PDE4D: variants seen among roughly 807,000 people sequenced by gnomAD.
PDE4D encodes the protein phosphodiesterase 4D.
PDE4D carries 24 observed loss-of-function variants against 87.4 expected under a neutral mutation model. That is an observed-to-expected ratio of 0.27 (90% CI 0.20 to 0.39). The LOEUF (loss-of-function observed/expected upper bound fraction) is 0.39, where lower values mean the gene tolerates loss of function less well. Among genes scored for constraint, PDE4D ranks in the 10% least tolerant of loss-of-function variants. The probability of loss-of-function intolerance (pLI) is 1.00; values close to 1 mark genes in which losing one functional copy is unlikely to be tolerated. For synonymous variants in PDE4D, 384 were observed against 383.2 expected, an observed-to-expected ratio of 1.00 and a Z score of -0.02; for missense variants, 714 against 1,041.0, an observed-to-expected ratio of 0.69 and a Z score of 4.32.
intron 1 of PDE4D, among the ~76,000 whole-genome samples, chr5:59,427,314 C>CACAA (rs1348251461): frequency 6.6e-6 from 1 of 150,550 alleles, no homozygotes; most frequent in Non-Finnish European, 1.5e-5. Flanking sequence ...CACACACACA[C>CACAA]ACACACACAC....
chr5:59,446,998 T>C (rs1248908565), intron 1 of PDE4D, among the ~76,000 whole-genome samples: 1 of 152,204 alleles, frequency 6.6e-6, no homozygotes, highest in East Asian at 1.9e-4. Flanking sequence ...GCAGCATCCA[T>C]GCAGGTGCAT....
At chr5:59,696,183 T>C (rs895486390) in intron 1 of PDE4D, among the ~76,000 whole-genome samples, 1 of 152,100 alleles carries the variant, frequency 6.6e-6, no homozygotes, top group African/African-American at 2.4e-5. Flanking sequence ...TAGGGGCATC[T>C]GGGAAATGAA....
intron 1 of PDE4D, among the ~76,000 whole-genome samples, chr5:59,779,611 A>C (rs1170252142): frequency 3.9e-5 from 6 of 152,202 alleles, no homozygotes; most frequent in African/African-American, 1.4e-4. Context: ...GGCTTCTTAA[A>C]AACATAGTGT....
intron 5 of PDE4D, among the ~76,000 whole-genome samples, chr5:59,138,895 A>T (rs1330718645): frequency 6.6e-6 from 1 of 152,228 alleles, no homozygotes; most frequent in East Asian, 1.9e-4. Context: ...AGGATGAAAG[A>T]GGTGTGTGAA....
At chr5:58,990,974 C>G (rs973711873) in intron 8 of PDE4D, 72 bp from the exon 9 acceptor site, 10 of 888,092 alleles carry the variant, frequency 1.1e-5, no homozygotes, top group Non-Finnish European at 1.7e-5. Flanking sequence ...TGAACACAAT[C>G]ATTTAAAAAT....
chr5:59,207,148 C>T (rs894329634), intron 2 of PDE4D, among the ~76,000 whole-genome samples: 1 of 151,860 alleles, frequency 6.6e-6, no homozygotes, highest in Non-Finnish European at 1.5e-5. Flanking sequence ...TACACTGCTG[C>T]ACTCCAGCCT....
At position 59,736,906 on chromosome 5, in the gene PDE4D, T is replaced by A. The variant is rs180825328; in HGVS notation, c.455+156262A>T. On this transcript the variant is annotated intron_variant, in intron 1 of 14. Transcript: ENST00000340635. Reference sequence around the variant, plus strand: ...TTTTAAAATTTTCTTCTTTGCAATTTTTGGAGGCAGTCTTCAAACATTTAA... The same window carrying A: ...TTTTAAAATTTTCTTCTTTGCAATTATTGGAGGCAGTCTTCAAACATTTAA... 9.3e-4 allele frequency among the ~76,000 whole-genome samples: 141 copies of A among 152,296 alleles called. 1 individual carries two copies. The highest frequency in any genetic ancestry group is 3.3e-3 in the African/African-American group (136 of 41,572).
chr5:60,356,900 A>G (rs1458747247), intron 1 of PDE4D, among the ~76,000 whole-genome samples: 2 of 152,158 alleles, frequency 1.3e-5, no homozygotes, highest in African/African-American at 4.8e-5. Context: ...GGGCCTCTGT[A>G]GCTCTATTAC....
At chr5:60,439,770 C>T (rs756994080) in intron 1 of PDE4D, among the ~76,000 whole-genome samples, 1 of 152,090 alleles carries the variant, frequency 6.6e-6, no homozygotes, top group South Asian at 2.1e-4. Context: ...CATGCAGTCT[C>T]TCACCTACAA....
chr5:60,422,241 T>C (rs1743183999), intron 1 of PDE4D, among the ~76,000 whole-genome samples: 1 of 152,098 alleles, frequency 6.6e-6, no homozygotes, highest in South Asian at 2.1e-4. Flanking sequence ...ACACATAATT[T>C]TCAGATTCAC....
intron 1 of PDE4D, among the ~76,000 whole-genome samples, chr5:59,827,818 G>T (rs1465228479): frequency 2.6e-5 from 4 of 151,938 alleles, no homozygotes; most frequent in Non-Finnish European, 5.9e-5. Flanking sequence ...AAATAGTGTG[G>T]CTGAAAAATA....
chr5:59,194,420 T>C (rs1362256068), intron 2 of PDE4D, among the ~76,000 whole-genome samples: 1 of 152,112 alleles, frequency 6.6e-6, no homozygotes, highest in African/African-American at 2.4e-5. Context: ...CAAATAAACT[T>C]TTCGCTCACT....
At chr5:60,238,815 TA>T (rs1382759731) in intron 1 of PDE4D, among the ~76,000 whole-genome samples, 2 of 152,084 alleles carry the variant, frequency 1.3e-5, no homozygotes, top group African/African-American at 4.8e-5. Context: ...TTGTTGGTGT[TA>T]TTTGCTATTC....
chr5:59,127,460 A>C, intron 5 of PDE4D, among the ~76,000 whole-genome samples: 1 of 151,860 alleles, frequency 6.6e-6, no homozygotes, highest in East Asian at 1.9e-4. Flanking sequence ...ATTTAGGTTA[A>C]TGAGCCCAGG....
At chr5:59,268,352 G>T (rs1763205229) in intron 1 of PDE4D, among the ~76,000 whole-genome samples, 7 of 152,000 alleles carry the variant, frequency 4.6e-5, no homozygotes, top group Admixed American at 3.9e-4. Context: ...TCTAATTTAG[G>T]TCAAACTTGA....
chr5:59,434,622 C>T (rs1424052081), intron 1 of PDE4D, among the ~76,000 whole-genome samples: 1 of 152,130 alleles, frequency 6.6e-6, no homozygotes, highest in Non-Finnish European at 1.5e-5. Context: ...CTGTTACCAT[C>T]AGCTGCACAT....
intron 5 of PDE4D, among the ~76,000 whole-genome samples, chr5:59,120,056 C>T (rs1055787961): frequency 6.6e-6 from 1 of 152,118 alleles, no homozygotes; most frequent in African/African-American, 2.4e-5. Flanking sequence ...TGGTCTCAAA[C>T]TCCTGGCCTT....
chr5:60,355,563 G>A (rs1759550991), intron 1 of PDE4D, among the ~76,000 whole-genome samples: 1 of 152,026 alleles, frequency 6.6e-6, no homozygotes, highest in African/African-American at 2.4e-5. Flanking sequence ...AACAAGGTGG[G>A]GGTTGGGGGC....
intron 1 of PDE4D, among the ~76,000 whole-genome samples, chr5:59,431,652 TG>T (rs1237188791): frequency 2.6e-5 from 4 of 152,082 alleles, no homozygotes; most frequent in Admixed American, 1.3e-4. Flanking sequence ...ATTTTAGGTT[TG>T]GGGGTAGATG....
Sources: gnomAD v4.1 joint callset for allele counts (sites outside exome capture counted in the v4.1 genomes callset) on GRCh38, gnomAD v4.1.1 for gene constraint, MANE v1.5 for transcripts, NCBI Gene and HGNC (gene_info 2026-07-23, HGNC 2026-07-21) for gene names.